KLF13: variants seen among roughly 807,000 people sequenced by gnomAD.
KLF13 encodes the protein Krueppel-like factor 13.
KLF13 carries 8 observed loss-of-function variants against 16.7 expected under a neutral mutation model. That is an observed-to-expected ratio of 0.48 (90% CI 0.28 to 0.87). KLF13 has a LOEUF of 0.87. KLF13 is among the 40% of genes least tolerant of loss of function. The pLI is 0.10. For missense variants in KLF13, 447 were observed against 452.2 expected (o/e 0.99, Z 0.10); for synonymous variants, 245 against 208.4 (o/e 1.18, Z -1.51).
chr15:31,378,300 C>G (rs887296609), downstream of KLF13, among the ~76,000 whole-genome samples: 3 of 152,196 alleles, frequency 2.0e-5, no homozygotes, highest in Admixed American at 1.3e-4. Flanking sequence ...CTGCTTGCCT[C>G]ACCCCTCAGC....
downstream of KLF13, among the ~76,000 whole-genome samples, chr15:31,405,140 G>A (rs1399931392): frequency 6.6e-6 from 1 of 152,166 alleles, no homozygotes; most frequent in African/African-American, 2.4e-5. Flanking sequence ...GAGCTCTCAT[G>A]AATGAGGTTA....
downstream of KLF13, among the ~76,000 whole-genome samples, chr15:31,380,440 G>A (rs1171855100): frequency 6.6e-6 from 1 of 152,218 alleles, no homozygotes; most frequent in Non-Finnish European, 1.5e-5. Context: ...CTGGAAGGGG[G>A]CCCAGTTAGC....
At chr15:31,339,977 G>A (rs1300043270) in intron 1 of KLF13, 1 of 702,296 alleles carries the variant, frequency 1.4e-6, no homozygotes, top group Non-Finnish European at 2.6e-6. Context: ...CCTGCCCCAT[G>A]GAGGAGCCAG....
exon 1 of KLF13, chr15:31,393,231 A>C: frequency 6.6e-6 from 1 of 151,618 alleles, no homozygotes; most frequent in Non-Finnish European, 1.5e-5. Context: ...GGCTACTGGG[A>C]CCTCCTAGCG....
At chr15:31,330,496 C>T (rs574764016) in intron 1 of KLF13, among the ~76,000 whole-genome samples, 36 of 152,364 alleles carry the variant, frequency 2.4e-4, no homozygotes, top group African/African-American at 7.7e-4. Flanking sequence ...TCTGCCCTGA[C>T]CACCTGCAAA....
At chr15:31,384,409 G>C (rs145095318) in intron 1 of KLF13, among the ~76,000 whole-genome samples, 38 of 152,346 alleles carry the variant, frequency 2.5e-4, no homozygotes, top group African/African-American at 9.1e-4. Context: ...TCCAACCTGG[G>C]TGAGAGTGAG....
Position 31,327,309 on chromosome 15 carries a change from TC to T in KLF13, c.100del (p.Arg34GlyfsTer35). ...VVHGPREGPE[S>X]RPEGAAVAAT... ...GCACGGGCCGCGGGAGGGGCCGGAG[TC>T]CCGGCCCGAGGGCGCGGCCGTGGCC... On this transcript the variant is annotated frameshift_variant, in exon 1 of 2. Transcript: ENST00000307145. LOFTEE classifies it high-confidence loss of function. 7.8e-7 allele frequency: 1 copy of T among 1,289,974 alleles called. No individual in the cohort carries two copies. The highest frequency in any genetic ancestry group is 9.8e-7 in the Non-Finnish European group (1 of 1,023,074). The allele number at this position is 1,289,974 out of a possible 1,614,324, so 79.9% of individuals were successfully genotyped here.
intron 2 of KLF13, among the ~76,000 whole-genome samples, chr15:31,402,810 C>T (rs1285140718): frequency 1.3e-5 from 2 of 151,988 alleles, no homozygotes; most frequent in East Asian, 3.9e-4. Flanking sequence ...TGTTCTGGCT[C>T]AGCCAACAGC....
intron 1 of KLF13, among the ~76,000 whole-genome samples, chr15:31,364,114 C>A (rs909517006): frequency 6.7e-6 from 1 of 150,342 alleles, no homozygotes; most frequent in Non-Finnish European, 1.5e-5. Context: ...GTGTTGAATC[C>A]TGGTGGTCTC....
In KLF13 at chr15:31,420,149, C is replaced by T. The variant is rs1467564262; in HGVS notation, n.118-15221C>T. ...CCAAGTGGTCTCCCAAGACCATAACCCAGCAGCCACTAGTGTCGTCGCCAC... is the reference window on the plus strand; with the variant it reads ...CCAAGTGGTCTCCCAAGACCATAACTCAGCAGCCACTAGTGTCGTCGCCAC... On this transcript the variant is annotated intron_variant and non_coding_transcript_variant, in intron 1 of 1. Transcript: ENST00000558225. The T allele has an allele frequency of 8.4e-6, 4 of 474,348 alleles. No individual in the cohort carries two copies. The East Asian group carries it at 2.0e-4, about 24-fold the overall frequency. The allele number at this position is 474,348 out of a possible 1,614,324, so 29.4% of individuals were successfully genotyped here. A position where few individuals can be genotyped will look rare whatever the true frequency, so the allele number is the denominator to read the frequency against.
chr15:31,429,980 G>A (rs147305001), intron 1 of KLF13, among the ~76,000 whole-genome samples: 2,869 of 152,096 alleles, frequency 0.019, 86 homozygotes, highest in African/African-American at 0.06. Flanking sequence ...GTGACCGCCC[G>A]CCTTGGCCTC....
chr15:31,405,435 A>C (rs2040113411), downstream of KLF13, among the ~76,000 whole-genome samples: 1 of 152,248 alleles, frequency 6.6e-6, no homozygotes, highest in South Asian at 2.1e-4. Context: ...ACCAGTCACC[A>C]AATATGCTGG....
chr15:31,329,488 T>G (rs2038788344), intron 1 of KLF13, among the ~76,000 whole-genome samples: 2 of 146,886 alleles, frequency 1.4e-5, no homozygotes. Flanking sequence ...AGGAGGGGGG[T>G]GGCCGAGGGG....
chr15:31,361,082 C>T (rs1200113271), intron 1 of KLF13, among the ~76,000 whole-genome samples: 1 of 152,212 alleles, frequency 6.6e-6, no homozygotes, highest in Non-Finnish European at 1.5e-5. Flanking sequence ...TGGAGGTCCC[C>T]CACAGGTCCT....
chr15:31,411,449 G>A (rs2040192442), intron 1 of KLF13, among the ~76,000 whole-genome samples: 1 of 144,788 alleles, frequency 6.9e-6, no homozygotes, highest in African/African-American at 2.6e-5. Context: ...AGGCTGGAAT[G>A]CAGTGGCGCG....
Position 31,361,425 on chromosome 15 carries a change from T to G in KLF13, c.578-10585T>G, listed in dbSNP as rs78328681. Among the ~76,000 whole-genome samples, 1,147 of 152,308 alleles carry G rather than the reference T, an allele frequency of 7.5e-3. 22 individuals are homozygous for G. Among genetic ancestry groups the G allele is most frequent in the African/African-American group, 0.026 (1,090 of 41,564 alleles). Reference sequence around the variant, plus strand: ...TGTCTTCCGGGTTGGTAGAGTCAGATGAGCCCAGTGCAGGCCAAAAGTAAA... The same window carrying G: ...TGTCTTCCGGGTTGGTAGAGTCAGAGGAGCCCAGTGCAGGCCAAAAGTAAA... On this transcript the variant is annotated intron_variant, in intron 1 of 1. Transcript: ENST00000307145.
At chr15:31,371,065 C>T (rs1279372060) in intron 1 of KLF13, among the ~76,000 whole-genome samples, 1 of 152,124 alleles carries the variant, frequency 6.6e-6, no homozygotes, top group Non-Finnish European at 1.5e-5. Flanking sequence ...GTAGGAAGGG[C>T]AGCCCTGCGG....
intron 1 of KLF13, among the ~76,000 whole-genome samples, chr15:31,344,528 C>T (rs750898897): frequency 6.6e-6 from 1 of 152,240 alleles, no homozygotes; most frequent in Non-Finnish European, 1.5e-5. Flanking sequence ...ATGGCTGGCC[C>T]ATGGCGAAAG....
chr15:31,328,154 G>C (rs937653659), intron 1 of KLF13, among the ~76,000 whole-genome samples: 6 of 149,868 alleles, frequency 4.0e-5, no homozygotes, highest in African/African-American at 1.2e-4. Flanking sequence ...ACCGCAGGCG[G>C]CACTCGTGAC....
Sources: gnomAD v4.1 joint callset for allele counts (sites outside exome capture counted in the v4.1 genomes callset) on GRCh38, gnomAD v4.1.1 for gene constraint, MANE v1.5 for transcripts, NCBI Gene and HGNC (gene_info 2026-07-23, HGNC 2026-07-21) for gene names.